FMN1: variants seen among roughly 807,000 people sequenced by gnomAD.
The protein encoded by FMN1 is formin-1.
FMN1 carries 110 observed loss-of-function variants against 132.4 expected under a neutral mutation model. The ratio of observed to expected loss-of-function variants is 0.83; its 90% confidence interval spans 0.71 to 0.97. The LOEUF (loss-of-function observed/expected upper bound fraction) is 0.97, where lower values mean the gene tolerates loss of function less well. Ranked by LOEUF, FMN1 falls within the 50% of genes least tolerant of loss-of-function variation. FMN1 has a pLI of 0.00. For synonymous variants in FMN1, 722 were observed against 651.7 expected, an observed-to-expected ratio of 1.11 and a Z score of -1.64; for missense variants, 1,792 against 1,705.3, an observed-to-expected ratio of 1.05 and a Z score of -0.90.
chr15:33,006,749 T>C (rs1345028349), intron 7 of FMN1, among the ~76,000 whole-genome samples: 2 of 152,158 alleles, frequency 1.3e-5, no homozygotes, highest in East Asian at 3.8e-4. Context: ...ACAATATGGA[T>C]GAACCTAGAG....
intron 6 of FMN1, among the ~76,000 whole-genome samples, chr15:33,059,833 C>G (rs2037403834): frequency 6.6e-6 from 1 of 152,326 alleles, no homozygotes; most frequent in Non-Finnish European, 1.5e-5. Context: ...TGCTTCTACT[C>G]TCCTGAGCCA....
intron 5 of FMN1, chr15:33,067,042 AC>A: frequency 6.2e-7 from 1 of 1,613,964 alleles, no homozygotes; most frequent in Non-Finnish European, 8.5e-7. Flanking sequence ...TCTTCAGCAC[AC>A]GAAGCCCACT....
intron 7 of FMN1, among the ~76,000 whole-genome samples, chr15:32,979,566 A>G (rs2032486038): frequency 6.6e-6 from 1 of 151,302 alleles, no homozygotes; most frequent in African/African-American, 2.4e-5. Flanking sequence ...AAAAAAAAAA[A>G]AAAAAAAAAA....
At chr15:32,774,405 T>C (rs1459052960) in intron 20 of FMN1, 51 bp from the exon 21 acceptor site, 33 of 1,469,408 alleles carry the variant, frequency 2.2e-5, no homozygotes, top group Non-Finnish European at 3.1e-5. Flanking sequence ...CTTTCTCAAG[T>C]TTTGATACAT....
At chr15:33,024,391 C>G (rs12101826) in intron 6 of FMN1, among the ~76,000 whole-genome samples, 1 of 151,466 alleles carries the variant, frequency 6.6e-6, no homozygotes, top group South Asian at 2.1e-4. Context: ...GGACTACAGG[C>G]GTCCGCCACC....
intron 6 of FMN1, among the ~76,000 whole-genome samples, chr15:33,027,272 T>C (rs2035722098): frequency 6.6e-6 from 1 of 152,148 alleles, no homozygotes; most frequent in Non-Finnish European, 1.5e-5. Context: ...TATTTTAATT[T>C]AGAAAATAAA....
At chr15:32,846,206 G>T (rs752963203) in intron 17 of FMN1, among the ~76,000 whole-genome samples, 4 of 152,128 alleles carry the variant, frequency 2.6e-5, no homozygotes, top group Non-Finnish European at 4.4e-5. Flanking sequence ...AATAAAAGTT[G>T]TATGTATGTA....
At chr15:33,067,513 C>T in intron 5 of FMN1, 1 of 1,613,984 alleles carries the variant, frequency 6.2e-7, no homozygotes, top group African/African-American at 1.3e-5. Flanking sequence ...TCAAAGTAGA[C>T]AGTGGAAGCA....
At chr15:32,988,603 G>A (rs989167323) in intron 7 of FMN1, among the ~76,000 whole-genome samples, 4 of 152,188 alleles carry the variant, frequency 2.6e-5, no homozygotes, top group African/African-American at 9.6e-5. Flanking sequence ...AATGGACTGG[G>A]AAGAGGCTCG....
chr15:33,181,136 ATTTTTGCATCAC>A (rs1178931573), intron 2 of FMN1, among the ~76,000 whole-genome samples: 1 of 151,944 alleles, frequency 6.6e-6, no homozygotes, highest in African/African-American at 2.4e-5. Flanking sequence ...TTCCAGCTTA[ATTTTTGCATCAC>A]ATCACAGCCA....
At chr15:33,019,477 C>A (rs554926432) in intron 6 of FMN1, among the ~76,000 whole-genome samples, 2 of 152,214 alleles carry the variant, frequency 1.3e-5, no homozygotes, top group Admixed American at 1.3e-4. Context: ...AGTCCCACGC[C>A]GTGCGACTCC....
intron 6 of FMN1, among the ~76,000 whole-genome samples, chr15:33,024,563 A>G (rs570549248): frequency 6.6e-6 from 1 of 152,310 alleles, no homozygotes; most frequent in African/African-American, 2.4e-5. Context: ...AAAAATATTA[A>G]TTAGTCTGCT....
chr15:32,845,027 G>A (rs967607299), intron 17 of FMN1, among the ~76,000 whole-genome samples: 20 of 152,162 alleles, frequency 1.3e-4, no homozygotes, highest in African/African-American at 4.3e-4. Flanking sequence ...CATTGTCTGC[G>A]AAACTATGTA....
intron 4 of FMN1, among the ~76,000 whole-genome samples, chr15:33,146,044 C>T (rs1320145943): frequency 1.3e-5 from 2 of 149,964 alleles, no homozygotes; most frequent in Admixed American, 6.6e-5. Context: ...GGTGCAATCT[C>T]GGCTCACTGT....
intron 9 of FMN1, among the ~76,000 whole-genome samples, chr15:32,963,114 C>CAA (rs567471879): frequency 1.7e-4 from 26 of 149,522 alleles, no homozygotes; most frequent in Admixed American, 1.1e-3. Context: ...CAATGATAGA[C>CAA]TGGATTAAGA....
chr15:33,120,713 A>G (rs1566933761), intron 4 of FMN1, among the ~76,000 whole-genome samples: 1 of 152,036 alleles, frequency 6.6e-6, no homozygotes, highest in Non-Finnish European at 1.5e-5. Context: ...CTACATACCC[A>G]TTTTACAGAC....
At chr15:32,806,567 T>C (rs1003986186) in intron 17 of FMN1, among the ~76,000 whole-genome samples, 1 of 152,212 alleles carries the variant, frequency 6.6e-6, no homozygotes, top group Non-Finnish European at 1.5e-5. Flanking sequence ...CTTGACATAG[T>C]ATCTACAGTC....
intron 4 of FMN1, among the ~76,000 whole-genome samples, chr15:33,114,355 C>A (rs1261512893): frequency 6.6e-6 from 1 of 152,204 alleles, no homozygotes; most frequent in Non-Finnish European, 1.5e-5. Context: ...AATAATTGGC[C>A]TCTGGCTGCC....
chr15:33,144,945 T>C (rs1325157771), intron 4 of FMN1, among the ~76,000 whole-genome samples: 2 of 152,214 alleles, frequency 1.3e-5, no homozygotes, highest in East Asian at 1.9e-4. Flanking sequence ...ACTATTTTCA[T>C]TGATATTATT....
Sources: gnomAD v4.1 joint callset for allele counts (sites outside exome capture counted in the v4.1 genomes callset) on GRCh38, gnomAD v4.1.1 for gene constraint, MANE v1.5 for transcripts, NCBI Gene and HGNC (gene_info 2026-07-23, HGNC 2026-07-21) for gene names.